Variants in TSHZ1 observed in about 807,000 individuals in gnomAD.
TSHZ1 encodes the protein teashirt zinc finger homeobox 1.
In TSHZ1, 12 loss-of-function variants were observed where a neutral mutation model predicts 67.1. The ratio of observed to expected loss-of-function variants is 0.18; its 90% confidence interval spans 0.11 to 0.29. The LOEUF (loss-of-function observed/expected upper bound fraction) is 0.29. Ranked by LOEUF, TSHZ1 falls within the 10% of genes least tolerant of loss-of-function variation. The probability of loss-of-function intolerance (pLI) is 1.00; values close to 1 mark genes in which losing one functional copy is unlikely to be tolerated. For synonymous variants in TSHZ1, 632 were observed against 622.4 expected (o/e 1.02, Z -0.23); for missense variants, 1,305 against 1,413.9 (o/e 0.92, Z 1.23).
In TSHZ1 at chr18:75,252,065, A is replaced by ATGTC. The variant is rs569749147; in HGVS notation, c.41-33373_41-33370dup. Among the ~76,000 whole-genome samples, 8 of 152,272 alleles carry ATGTC rather than the reference A, an allele frequency of 5.3e-5. No individual in the cohort carries two copies. In the East Asian group the frequency reaches 5.8e-4, roughly 11 times the overall value. ...GATCACTTCCTATGCAGATCTATTA[A>ATGTC]TGTCTGTCTGTCTATCTATATTTAT... On this transcript the variant is annotated intron_variant, in intron 1 of 1. Transcript: ENST00000580243.
intron 1 of TSHZ1, among the ~76,000 whole-genome samples, chr18:75,261,662 TAG>T (rs1439299050): frequency 6.6e-6 from 1 of 152,224 alleles, no homozygotes; most frequent in Non-Finnish European, 1.5e-5. Flanking sequence ...CATAGTTACA[TAG>T]TGTATTCAGT....
At chr18:75,227,398 A>G (rs1325752905) in intron 1 of TSHZ1, among the ~76,000 whole-genome samples, 3 of 152,132 alleles carry the variant, frequency 2.0e-5, no homozygotes, top group South Asian at 4.1e-4. Flanking sequence ...AAAAGTTGCT[A>G]AAAAAGGATA....
intron 1 of TSHZ1, among the ~76,000 whole-genome samples, chr18:75,236,042 C>T (rs78833277): frequency 0.038 from 5,810 of 152,164 alleles, 142 homozygotes; most frequent in African/African-American, 0.07. Context: ...AGGAAGCTTG[C>T]GTGATAGGAA....
chr18:75,267,455 C>T (rs1436462912), intron 1 of TSHZ1, among the ~76,000 whole-genome samples: 2 of 152,184 alleles, frequency 1.3e-5, no homozygotes, highest in African/African-American at 2.4e-5. Flanking sequence ...GAACGCTGCT[C>T]ATTGCTTCCA....
intron 1 of TSHZ1, among the ~76,000 whole-genome samples, chr18:75,229,661 G>A (rs1352906612): frequency 2.0e-5 from 3 of 152,226 alleles, no homozygotes; most frequent in Admixed American, 6.5e-5. Context: ...TGTGACATGC[G>A]GTCTATGACG....
chr18:75,226,880 T>C (rs1288832342), intron 1 of TSHZ1, among the ~76,000 whole-genome samples: 1 of 152,162 alleles, frequency 6.6e-6, no homozygotes, highest in Non-Finnish European at 1.5e-5. Flanking sequence ...AGAGCATTAC[T>C]GTAAGTCCTT....
intron 1 of TSHZ1, among the ~76,000 whole-genome samples, chr18:75,237,270 C>G (rs2023085437): frequency 6.6e-6 from 1 of 152,130 alleles, no homozygotes; most frequent in South Asian, 2.1e-4. Context: ...GCCTATAATC[C>G]TAGCATTTTG....
At chr18:75,285,126 G>T in intron 1 of TSHZ1, 1 of 229,864 alleles carries the variant, frequency 4.4e-6, no homozygotes, top group Non-Finnish European at 8.4e-6. Flanking sequence ...ACAGCCTATA[G>T]GAGGGGTACT....
At chr18:75,257,774 C>T (rs139467766) in intron 1 of TSHZ1, among the ~76,000 whole-genome samples, 15 of 152,324 alleles carry the variant, frequency 9.8e-5, no homozygotes, top group African/African-American at 3.4e-4. Flanking sequence ...CGCCAGTCGT[C>T]ACGTTAGTCA....
intron 1 of TSHZ1, among the ~76,000 whole-genome samples, chr18:75,213,924 G>C (rs1404105084): frequency 1.3e-5 from 2 of 152,162 alleles, no homozygotes; most frequent in Non-Finnish European, 2.9e-5. Flanking sequence ...AGGAACTTGA[G>C]AGGGAAAAAA....
intron 1 of TSHZ1, chr18:75,285,117 C>G (rs1368858731): frequency 1.4e-5 from 3 of 213,602 alleles, no homozygotes; most frequent in Non-Finnish European, 2.8e-5. Flanking sequence ...ACAGAGGGAA[C>G]AGCCTATAGG....
chr18:75,251,428 A>T (rs962062575), intron 1 of TSHZ1, among the ~76,000 whole-genome samples: 2 of 149,476 alleles, frequency 1.3e-5, no homozygotes, highest in Admixed American at 6.7e-5. Flanking sequence ...TTGCTTTTTC[A>T]CTCACTAAAT....
intron 1 of TSHZ1, among the ~76,000 whole-genome samples, chr18:75,218,741 A>G (rs2022805489): frequency 6.6e-6 from 1 of 152,208 alleles, no homozygotes; most frequent in Non-Finnish European, 1.5e-5. Flanking sequence ...TAAAAAGTAA[A>G]TGGTAAATTA....
At chr18:75,245,113 C>T (rs1298086219) in intron 1 of TSHZ1, 1 of 152,184 alleles carries the variant, frequency 6.6e-6, no homozygotes, top group Non-Finnish European at 1.5e-5. Context: ...TAAATGCCTG[C>T]TACAGACTTC....
intron 1 of TSHZ1, among the ~76,000 whole-genome samples, chr18:75,255,348 A>C (rs1221867992): frequency 2.0e-5 from 3 of 152,170 alleles, no homozygotes; most frequent in Non-Finnish European, 4.4e-5. Context: ...GCTGTAGGAA[A>C]TGTTACTTAA....
chr18:75,229,408 G>C (rs1380018660), intron 1 of TSHZ1, among the ~76,000 whole-genome samples: 1 of 152,240 alleles, frequency 6.6e-6, no homozygotes, highest in Non-Finnish European at 1.5e-5. Flanking sequence ...GGCCCACACT[G>C]TATGCACCAT....
intron 1 of TSHZ1, among the ~76,000 whole-genome samples, chr18:75,234,475 T>C (rs1257156059): frequency 6.6e-6 from 1 of 152,154 alleles, no homozygotes; most frequent in Non-Finnish European, 1.5e-5. Flanking sequence ...CAGAGGACAA[T>C]TGCTCCAAAA....
At position 75,211,374 on chromosome 18, in the gene TSHZ1, A is replaced by T. The variant is rs1022932291; in HGVS notation, c.-503A>T. 3.3e-4 allele frequency: 50 copies of T among 151,840 alleles called. No homozygotes were observed. The highest frequency in any genetic ancestry group is 1.2e-3 in the African/African-American group (49 of 41,458). 9.4% of individuals were successfully genotyped at this position (151,840 alleles called of 1,614,324 possible). A position where few individuals can be genotyped will look rare whatever the true frequency, so the allele number is the denominator to read the frequency against. ...GAAAGCTGCGACCCGCGCACTAAAAACACTCGCCGCGACCCCCAAACAGCG... is the reference window on the plus strand; with the variant it reads ...GAAAGCTGCGACCCGCGCACTAAAATCACTCGCCGCGACCCCCAAACAGCG... On this transcript the variant is annotated 5_prime_UTR_variant, in exon 1 of 2. Transcript: ENST00000580243.
chr18:75,275,178 G>C (rs1337160692), intron 1 of TSHZ1, among the ~76,000 whole-genome samples: 1 of 152,184 alleles, frequency 6.6e-6, no homozygotes, highest in Non-Finnish European at 1.5e-5. Context: ...GTGTTTATGG[G>C]AATAAGCTAC....
Sources: allele counts gnomAD v4.1 joint callset (sites outside exome capture counted in the v4.1 genomes callset), GRCh38; gene constraint gnomAD v4.1.1; transcripts MANE v1.5; gene names NCBI Gene and HGNC (gene_info 2026-07-23, HGNC 2026-07-21).